NT5C2: variants seen among roughly 807,000 people sequenced by gnomAD.
The protein encoded by NT5C2 is cytosolic purine 5'-nucleotidase.
NT5C2 carries 58 observed loss-of-function variants against 76.1 expected under a neutral mutation model. The ratio of observed to expected loss-of-function variants is 0.76; its 90% CI spans 0.62 to 0.95. The LOEUF (loss-of-function observed/expected upper bound fraction) is 0.95, where lower values mean the gene tolerates loss of function less well. Ranked by LOEUF, NT5C2 falls within the 40% of genes least tolerant of loss-of-function variation. The probability of loss-of-function intolerance (pLI) is 0.00; values close to 1 mark genes in which losing one functional copy is unlikely to be tolerated. For missense variants in NT5C2, 478 were observed against 690.3 expected (o/e 0.69, Z 3.45); for synonymous variants, 229 against 237.4 (o/e 0.96, Z 0.32).
chr10:103,159,256 C>T (rs866020286), intron 3 of NT5C2, among the ~76,000 whole-genome samples: 1 of 98,600 alleles, frequency 1.0e-5, no homozygotes, highest in African/African-American at 4.5e-5. Context: ...AACATGCACA[C>T]ACACACACAC....
intron 12 of NT5C2, among the ~76,000 whole-genome samples, chr10:103,095,424 A>C (rs185938473): frequency 6.6e-6 from 1 of 152,226 alleles, no homozygotes. Context: ...TATGTGACTA[A>C]GTTGCAAGGA....
intron 6 of NT5C2, among the ~76,000 whole-genome samples, chr10:103,103,280 C>T (rs1414654373): frequency 6.6e-6 from 1 of 152,196 alleles, no homozygotes; most frequent in African/African-American, 2.4e-5. Context: ...TTAAGTCACT[C>T]TTCTGAGATG....
intron 4 of NT5C2, among the ~76,000 whole-genome samples, chr10:103,116,173 A>G (rs1158385072): frequency 6.6e-6 from 1 of 152,260 alleles, no homozygotes; most frequent in East Asian, 1.9e-4. Context: ...CTGCCACATG[A>G]TTTTTAAATT....
intron 1 of NT5C2, among the ~76,000 whole-genome samples, chr10:103,191,403 G>A (rs1220634800): frequency 6.7e-6 from 1 of 148,766 alleles, no homozygotes; most frequent in African/African-American, 2.5e-5. Context: ...AAAAAAGAGA[G>A]AGAGAGGAAA....
intron 3 of NT5C2, among the ~76,000 whole-genome samples, chr10:103,143,590 CCAT>C (rs767374740): frequency 4.4e-4 from 66 of 149,200 alleles, no homozygotes; most frequent in African/African-American, 1.4e-3. Flanking sequence ...GTACGCACCA[CCAT>C]GTCCAGCTAT....
intron 4 of NT5C2, among the ~76,000 whole-genome samples, chr10:103,135,715 G>A (rs1448908542): frequency 6.6e-6 from 1 of 151,814 alleles, no homozygotes; most frequent in Non-Finnish European, 1.5e-5. Context: ...TTGAACCCAG[G>A]AGGCGGAGGT....
chr10:103,089,777 T>C lies in NT5C2; in HGVS notation c.1581A>G (p.Ser527=). ...GGTTGGGAGGTTTAATCTCACTAAT[T>C]GACCGTGTCAGCTGGTGCCGCTTGT... is the stretch of plus-strand genomic sequence containing the variant. The part of the protein sequence containing the change: ...TDYKRHQLTR[S]ISEIKPPNLF... The change falls in exon 19 of 19, where the codon TCA becomes TCG. Residue 527 remains serine, a synonymous_variant. Coordinates refer to ENST00000404739, the MANE Select transcript of NT5C2 (RefSeq NM_001351169.2). The C allele has an allele frequency of 6.2e-7, 1 of 1,614,104 alleles. No homozygotes were observed. The highest frequency in any genetic ancestry group is 8.5e-7 in the Non-Finnish European group (1 of 1,180,004).
rs745640826 is a variant in NT5C2, at chr10:103,090,798, GAAC to G, written c.1273-14_1273-12del. The G allele has an allele frequency of 6.2e-7, 1 of 1,613,282 alleles. No homozygotes were observed. Among genetic ancestry groups the G allele is most frequent in the Non-Finnish European group, 8.5e-7 (1 of 1,179,518 alleles). On this transcript the variant is annotated splice_polypyrimidine_tract_variant and intron_variant, in intron 17 of 18. Coordinates refer to ENST00000404739, the MANE Select transcript of NT5C2 (RefSeq NM_001351169.2). ...GTCATGAGTTACTTTCTAAAACAAA[GAAC>G]AAGATTGATTCTTGGCTCATTCAAC...
At chr10:103,131,450 AT>A (rs1371724320) in intron 4 of NT5C2, among the ~76,000 whole-genome samples, 4 of 152,164 alleles carry the variant, frequency 2.6e-5, no homozygotes, top group Admixed American at 2.6e-4. Flanking sequence ...GTCCTCTTTT[AT>A]AAAGGCGGAG....
intron 6 of NT5C2, among the ~76,000 whole-genome samples, chr10:103,105,187 GC>G (rs1014981517): frequency 6.6e-6 from 1 of 151,856 alleles, no homozygotes; most frequent in Non-Finnish European, 1.5e-5. Context: ...AATATTATTA[GC>G]ACATATTCAC....
chr10:103,143,146 C>T (rs776905291), intron 3 of NT5C2, among the ~76,000 whole-genome samples: 2 of 152,164 alleles, frequency 1.3e-5, no homozygotes, highest in African/African-American at 4.8e-5. Flanking sequence ...CAAACCTTTT[C>T]TTTGTCTTCA....
At chr10:103,123,038 G>A (rs1418764365) in intron 4 of NT5C2, among the ~76,000 whole-genome samples, 1 of 151,954 alleles carries the variant, frequency 6.6e-6, no homozygotes, top group South Asian at 2.1e-4. Context: ...TATAGGGGCC[G>A]CAACCATGAA....
chr10:103,111,321 C>CTTT (rs2072969876), intron 4 of NT5C2, among the ~76,000 whole-genome samples: 1 of 152,152 alleles, frequency 6.6e-6, no homozygotes, highest in East Asian at 1.9e-4. Flanking sequence ...GCTAGAGTCC[C>CTTT]AAAAGGAGGA....
At chr10:103,179,296 C>T (rs1301202689) in intron 2 of NT5C2, among the ~76,000 whole-genome samples, 1 of 152,018 alleles carries the variant, frequency 6.6e-6, no homozygotes, top group African/African-American at 2.4e-5. Flanking sequence ...ATGGACTCGC[C>T]CTAAATTCTT....
intron 3 of NT5C2, among the ~76,000 whole-genome samples, chr10:103,156,213 G>A (rs1004086336): frequency 2.6e-5 from 4 of 152,024 alleles, no homozygotes; most frequent in East Asian, 1.9e-4. Flanking sequence ...GGAGACCTAC[G>A]GGGGGATACT....
Position 103,181,182 on chromosome 10 carries a change from T to C in NT5C2, c.-25+3A>G, listed in dbSNP as rs1416276049. On this transcript the variant is annotated splice_donor_region_variant and intron_variant, in intron 2 of 18. Coordinates refer to ENST00000404739, the MANE Select transcript of NT5C2 (RefSeq NM_001351169.2). ...TATATACTCTGTGCAACTTATTGTA[T>C]ACCAATTATGCCACAATAAGACTTT... 1 of 152,022 alleles carries C rather than the reference T, an allele frequency of 6.6e-6. No homozygotes were observed. Among genetic ancestry groups the C allele is most frequent in the Admixed American group, 6.6e-5 (1 of 15,246 alleles). 9.4% of individuals were successfully genotyped at this position (152,022 alleles called of 1,614,324 possible).
intron 4 of NT5C2, among the ~76,000 whole-genome samples, chr10:103,134,881 T>C (rs1026202565): frequency 6.6e-6 from 1 of 152,170 alleles, no homozygotes; most frequent in Non-Finnish European, 1.5e-5. Flanking sequence ...GGTCAAAATA[T>C]ATCATTTTGG....
chr10:103,174,829 T>C, intron 3 of NT5C2, 29 bp downstream of exon 3: 2 of 1,450,494 alleles, frequency 1.4e-6, no homozygotes, highest in Non-Finnish European at 1.9e-6. Flanking sequence ...ATAGAGGGGT[T>C]TTGAGGATTA....
chr10:103,106,626 A>G lies in NT5C2; in HGVS notation c.256T>C (p.Leu86=). 6.2e-7 allele frequency: 1 copy of G among 1,613,562 alleles called. No homozygotes were observed. The highest frequency in any genetic ancestry group is 8.5e-7 in the Non-Finnish European group (1 of 1,179,584). The change falls in exon 5 of 19, where the codon TTG becomes CTG. Residue 86 remains leucine (L), a synonymous_variant. Coordinates refer to ENST00000404739, the MANE Select transcript of NT5C2 (RefSeq NM_001351169.2). The part of the protein sequence containing the change: ...RLVSIGYPQE[L]LSFAYDSTFP... ...GTAGAATCATAAGCAAAGCTGAGCA[A>G]CTCCTGGGGATAGCCAATAGAAACT...
Sources: allele counts gnomAD v4.1 joint callset (sites outside exome capture counted in the v4.1 genomes callset), GRCh38; gene constraint gnomAD v4.1.1; transcripts MANE v1.5; gene names NCBI Gene and HGNC (gene_info 2026-07-23, HGNC 2026-07-21).